The following SPTLC2 variants were observed in gnomAD, a reference collection of about 807,000 sequenced individuals.
SPTLC2 encodes serine palmitoyltransferase 2.
SPTLC2 carries 21 observed loss-of-function variants against 62.0 expected under a neutral mutation model. The observed-to-expected ratio is 0.34, with a 90% confidence interval of 0.24 to 0.49. SPTLC2 has a LOEUF of 0.49. Among genes scored for constraint, SPTLC2 ranks in the 20% least tolerant of loss-of-function variants. The pLI, the probability that SPTLC2 is intolerant of heterozygous loss-of-function variation, is 0.99. For missense variants in SPTLC2, 511 were observed against 713.0 expected (o/e 0.72, Z 3.23); for synonymous variants, 261 against 261.8 (o/e 1.00, Z 0.03).
chr14:77,578,809 TGAA>T lies in SPTLC2; in HGVS notation c.482+143_482+145del, dbSNP rs2079731763. The T allele has an allele frequency of 1.3e-5, 10 of 792,456 alleles. 1 individual carries two copies. In the East Asian group the frequency reaches 2.6e-4, roughly 21 times the overall value. The allele number at this position is 792,456 out of a possible 1,614,324, so 49.1% of individuals were successfully genotyped here. A position where few individuals can be genotyped will look rare whatever the true frequency, so the allele number is the denominator to read the frequency against. On this transcript the variant is annotated intron_variant, in intron 3 of 11. Coordinates refer to ENST00000216484, the MANE Select transcript of SPTLC2 (RefSeq NM_004863.4). ...AGATATATCTTAAAAAGCTCAACAATGAAGAATATGTAAGGAAACCAATCATAT... is the reference window on the plus strand; with the variant it reads ...AGATATATCTTAAAAAGCTCAACAATGAATATGTAAGGAAACCAATCATAT...
At chr14:77,572,323 A>ATC (rs1283178963) in intron 4 of SPTLC2, among the ~76,000 whole-genome samples, 4 of 152,212 alleles carry the variant, frequency 2.6e-5, no homozygotes, top group Non-Finnish European at 5.9e-5. Flanking sequence ...TAAAAGCTCA[A>ATC]TTTTTTATTA....
At chr14:77,573,257 C>T (rs186357901) in intron 4 of SPTLC2, among the ~76,000 whole-genome samples, 2 of 152,128 alleles carry the variant, frequency 1.3e-5, no homozygotes, top group African/African-American at 4.8e-5. Flanking sequence ...GAAATAAGTT[C>T]TAATGTTTGA....
rs1476216638 is a variant in SPTLC2, at chr14:77,510,367, T to C, written c.*1917A>G. The C allele has an allele frequency of 6.3e-6, 1 of 157,926 alleles. No homozygotes were observed. The highest frequency in any genetic ancestry group is 2.4e-5 in the African/African-American group (1 of 41,738). The allele number at this position is 157,926 out of a possible 1,614,324, so 9.8% of individuals were successfully genotyped here. A position where few individuals can be genotyped will look rare whatever the true frequency, so the allele number is the denominator to read the frequency against. The stretch of plus-strand genomic sequence containing the variant: ...ATAATATTGCTTACATCCTCTGCTA[T>C]ACGTAATGTGCACAAACATATCACA... On this transcript the variant is annotated 3_prime_UTR_variant, in exon 12 of 12. Coordinates refer to ENST00000216484, the MANE Select transcript of SPTLC2 (RefSeq NM_004863.4).
intron 6 of SPTLC2, chr14:77,557,354 C>T (rs577885020): frequency 3.3e-4 from 192 of 574,846 alleles, no homozygotes; most frequent in Admixed American, 7.8e-4. Flanking sequence ...TCAAAACCAT[C>T]GAAACTTGAC....
intron 2 of SPTLC2, among the ~76,000 whole-genome samples, chr14:77,592,425 G>A (rs775052285): frequency 1.8e-4 from 28 of 152,098 alleles, no homozygotes; most frequent in Admixed American, 3.3e-4. Context: ...GTGAGCCATC[G>A]CACCCGGCTG....
chr14:77,598,640 G>T (rs546815448), intron 1 of SPTLC2, among the ~76,000 whole-genome samples: 2 of 152,226 alleles, frequency 1.3e-5, no homozygotes, highest in Middle Eastern at 3.4e-3. Flanking sequence ...GTTTATATAA[G>T]TGTGGTCCAG....
At chr14:77,606,375 G>C (rs971660275) in intron 1 of SPTLC2, among the ~76,000 whole-genome samples, 2 of 77,912 alleles carry the variant, frequency 2.6e-5, no homozygotes, top group African/African-American at 7.9e-5. Flanking sequence ...GGAGGGGACT[G>C]TGTGTGTGTG....
rs528057823 is a variant in SPTLC2, at chr14:77,552,305, G to T, written c.1177-83C>A. On this transcript the variant is annotated intron_variant, in intron 8 of 11. Coordinates refer to ENST00000216484, the MANE Select transcript of SPTLC2 (RefSeq NM_004863.4). ...CAGTCCTTTCCTTCTAAGTTCTAGA[G>T]GACTCCTCACTTCAATGGCACTGGA... 5.4e-5 allele frequency: 83 copies of T among 1,530,560 alleles called. No homozygotes were observed. The African/African-American group carries it at 9.9e-4, about 18-fold the overall frequency. 94.8% of individuals were successfully genotyped at this position (1,530,560 alleles called of 1,614,324 possible).
intron 9 of SPTLC2, among the ~76,000 whole-genome samples, chr14:77,543,872 C>T (rs755688252): frequency 2.0e-5 from 3 of 152,120 alleles, no homozygotes; most frequent in Admixed American, 6.5e-5. Context: ...CTTAGCTCTG[C>T]CAGCAAATGC....
chr14:77,521,353 A>G, intron 10 of SPTLC2, 93 bp downstream of exon 10: 1 of 1,526,954 alleles, frequency 6.5e-7, no homozygotes, highest in Non-Finnish European at 9.1e-7. Flanking sequence ...AGTAAGGACA[A>G]GACCATTTTC....
Position 77,552,095 on chromosome 14 carries a change from C to A in SPTLC2, c.1303+1G>T. ...AATGTTTCAAGAAAAGAAAGACTTA[C>A]CAAGGCTGGTGCCATCCTGCCCCAT... is the stretch of plus-strand genomic sequence containing the variant. On this transcript the variant is annotated splice_donor_variant, in intron 9 of 11. Coordinates refer to ENST00000216484, the MANE Select transcript of SPTLC2 (RefSeq NM_004863.4). LOFTEE classifies it high-confidence loss of function. 1 of 1,613,952 alleles carries A rather than the reference C, an allele frequency of 6.2e-7. No homozygotes were observed. Among genetic ancestry groups the A allele is most frequent in the South Asian group, 1.1e-5 (1 of 91,036 alleles).
intron 9 of SPTLC2, among the ~76,000 whole-genome samples, chr14:77,524,598 G>A (rs560881667): frequency 2.6e-5 from 4 of 152,254 alleles, no homozygotes; most frequent in South Asian, 4.2e-4. Context: ...AGCCAAATAC[G>A]GAATCATTCT....
chr14:77,609,284 T>C lies in SPTLC2; in HGVS notation c.132+7164A>G, dbSNP rs192033241. ...TGTATTTTTAAATACTTTCACTATA[T>C]AAACACATGGCCATAAACAATGTAG... is the stretch of plus-strand genomic sequence containing the variant. On this transcript the variant is annotated intron_variant, in intron 1 of 11. Coordinates refer to ENST00000216484, the MANE Select transcript of SPTLC2 (RefSeq NM_004863.4). Among the ~76,000 whole-genome samples the C allele has an allele frequency of 4.7e-3, 713 of 152,308 alleles. 4 individuals are homozygous for C. Among genetic ancestry groups the C allele is most frequent in the Admixed American group, 0.016 (247 of 15,298 alleles).
intron 9 of SPTLC2, among the ~76,000 whole-genome samples, chr14:77,532,317 C>T (rs1008102785): frequency 6.6e-6 from 1 of 152,162 alleles, no homozygotes; most frequent in East Asian, 1.9e-4. Context: ...AATGAATACA[C>T]AGAATAGAAA....
At chr14:77,590,810 C>T (rs920627458) in intron 2 of SPTLC2, among the ~76,000 whole-genome samples, 3 of 152,130 alleles carry the variant, frequency 2.0e-5, no homozygotes, top group African/African-American at 7.2e-5. Flanking sequence ...GGGAGACATG[C>T]TGCAAATTAG....
intron 1 of SPTLC2, among the ~76,000 whole-genome samples, chr14:77,611,627 A>C (rs896715658): frequency 6.6e-6 from 1 of 151,970 alleles, no homozygotes; most frequent in African/African-American, 2.4e-5. Flanking sequence ...GGAGTTCGAG[A>C]CCAGCCTGGC....
intron 9 of SPTLC2, among the ~76,000 whole-genome samples, chr14:77,544,091 G>C (rs894757819): frequency 1.3e-5 from 2 of 152,214 alleles, no homozygotes; most frequent in Admixed American, 6.5e-5. Context: ...GCAGTGGTGT[G>C]ATCATAGCTG....
At chr14:77,532,363 C>A (rs2079445048) in intron 9 of SPTLC2, among the ~76,000 whole-genome samples, 1 of 152,120 alleles carries the variant, frequency 6.6e-6, no homozygotes, top group Non-Finnish European at 1.5e-5. Flanking sequence ...TTTATCTGTG[C>A]ATTTGCTTTA....
At chr14:77,575,714 T>G (rs1261689096) in intron 4 of SPTLC2, among the ~76,000 whole-genome samples, 2 of 152,176 alleles carry the variant, frequency 1.3e-5, no homozygotes, top group African/African-American at 4.8e-5. Context: ...CTTTATTTTT[T>G]TAGAGAACAG....
Sources: allele counts gnomAD v4.1 joint callset (sites outside exome capture counted in the v4.1 genomes callset), GRCh38; gene constraint gnomAD v4.1.1; transcripts MANE v1.5; gene names NCBI Gene and HGNC (gene_info 2026-07-23, HGNC 2026-07-21).